The following TBC1D32 variants were observed in gnomAD, a reference collection of about 807,000 sequenced individuals.
TBC1D32 encodes protein broad-minded.
TBC1D32 carries 151 observed loss-of-function variants against 170.3 expected under a neutral mutation model. That is an observed-to-expected ratio of 0.89 (90% CI 0.78 to 1.01). The LOEUF (loss-of-function observed/expected upper bound fraction) is 1.01, where lower values mean the gene tolerates loss of function less well. Among genes scored for constraint, TBC1D32 ranks in the 50% least tolerant of loss-of-function variants. TBC1D32 has a pLI of 0.00. For synonymous variants in TBC1D32, 498 were observed against 488.0 expected, an observed-to-expected ratio of 1.02 and a Z score of -0.27; for missense variants, 1,464 against 1,457.1, an observed-to-expected ratio of 1.00 and a Z score of -0.08.
chr6:121,110,316 T>C (rs931449542), intron 29 of TBC1D32, among the ~76,000 whole-genome samples: 2 of 151,112 alleles, frequency 1.3e-5, no homozygotes, highest in African/African-American at 4.8e-5. Context: ...CATACATTTA[T>C]TGAGTGATTA....
intron 30 of TBC1D32, among the ~76,000 whole-genome samples, chr6:121,093,222 G>A (rs1777017793): frequency 6.6e-6 from 1 of 152,096 alleles, no homozygotes; most frequent in Non-Finnish European, 1.5e-5. Flanking sequence ...GGCATGCAGA[G>A]TACGTTACTA....
chr6:121,306,820 A>G (rs1234095500), intron 5 of TBC1D32, among the ~76,000 whole-genome samples: 1 of 152,186 alleles, frequency 6.6e-6, no homozygotes, highest in African/African-American at 2.4e-5. Flanking sequence ...TAATTTTACA[A>G]TTTTAGAAAC....
chr6:121,161,456 G>A (rs957438411), intron 22 of TBC1D32, among the ~76,000 whole-genome samples: 1 of 152,090 alleles, frequency 6.6e-6, no homozygotes, highest in Non-Finnish European at 1.5e-5. Flanking sequence ...TAGAGTATTT[G>A]GTTTTCCATT....
chr6:121,333,389 T>TC (rs963816125), intron 1 of TBC1D32, among the ~76,000 whole-genome samples: 2 of 152,138 alleles, frequency 1.3e-5, no homozygotes, highest in African/African-American at 4.8e-5. Context: ...TTCCTACTGC[T>TC]CCCACACGCA....
chr6:121,091,210 T>C (rs1776766574), intron 30 of TBC1D32, among the ~76,000 whole-genome samples, 169 bp from the exon 31 acceptor site: 1 of 152,144 alleles, frequency 6.6e-6, no homozygotes, highest in Non-Finnish European at 1.5e-5. Flanking sequence ...TCCTATTTGC[T>C]TCAGTTGTGA....
intron 24 of TBC1D32, among the ~76,000 whole-genome samples, chr6:121,132,524 G>C (rs1237209784): frequency 6.6e-6 from 1 of 151,896 alleles, no homozygotes; most frequent in Non-Finnish European, 1.5e-5. Flanking sequence ...TCAGTATATA[G>C]GTAACTGCTT....
At chr6:121,294,264 G>C (rs1444729311) in intron 11 of TBC1D32, among the ~76,000 whole-genome samples, 1 of 152,016 alleles carries the variant, frequency 6.6e-6, no homozygotes, top group Non-Finnish European at 1.5e-5. Flanking sequence ...TTATTGAAGG[G>C]GAAAGGATGG....
At chr6:121,198,238 TA>T (rs1435236487) in intron 22 of TBC1D32, among the ~76,000 whole-genome samples, 1 of 22,902 alleles carries the variant, frequency 4.4e-5, no homozygotes, top group African/African-American at 5.1e-5. Flanking sequence ...TATATATAAA[TA>T]TATATATTAT....
chr6:121,238,093 G>A (rs1796534987), intron 20 of TBC1D32, among the ~76,000 whole-genome samples: 1 of 152,040 alleles, frequency 6.6e-6, no homozygotes, highest in Admixed American at 6.6e-5. Context: ...TCACATTTCT[G>A]GGCAAAGTAT....
intron 24 of TBC1D32, among the ~76,000 whole-genome samples, chr6:121,153,039 C>T (rs1784403361): frequency 6.6e-6 from 1 of 152,120 alleles, no homozygotes; most frequent in South Asian, 2.1e-4. Flanking sequence ...GTTTTGTTCC[C>T]TGGCTGGAGA....
intron 22 of TBC1D32, among the ~76,000 whole-genome samples, chr6:121,183,419 G>A (rs1057006222): frequency 6.6e-5 from 10 of 152,082 alleles, no homozygotes; most frequent in African/African-American, 2.4e-4. Context: ...GGCACGGCAG[G>A]TGGCTAGAGG....
At position 121,304,345 on chromosome 6, in the gene TBC1D32, T is replaced by G; in HGVS notation, c.935+20A>C. On this transcript the variant is annotated intron_variant, in intron 8 of 31. Transcript: ENST00000398212. ...AACACCGCTAGGTTTTATGCTGGCA[T>G]ACATTGGGAGGGGACTTACTTCTCT... The G allele has an allele frequency of 1.2e-6, 2 of 1,611,742 alleles. No homozygotes were observed. Among genetic ancestry groups the G allele is most frequent in the Non-Finnish European group, 1.7e-6 (2 of 1,178,598 alleles).
At chr6:121,270,093 T>C (rs1207885369) in intron 15 of TBC1D32, among the ~76,000 whole-genome samples, 2 of 151,842 alleles carry the variant, frequency 1.3e-5, no homozygotes, top group Non-Finnish European at 2.9e-5. Flanking sequence ...TACCAGAATC[T>C]CTGGGACACA....
intron 21 of TBC1D32, among the ~76,000 whole-genome samples, chr6:121,205,978 G>A (rs1329778965): frequency 6.6e-6 from 1 of 152,236 alleles, no homozygotes; most frequent in African/African-American, 2.4e-5. Flanking sequence ...TTGGGAGGCC[G>A]AGGTGGGCAG....
intron 24 of TBC1D32, chr6:121,139,808 T>C (rs377321523): frequency 3.9e-5 from 6 of 152,240 alleles, no homozygotes; most frequent in African/African-American, 1.4e-4. Context: ...AGACACAGAA[T>C]ATGGTATTCT....
intron 31 of TBC1D32, among the ~76,000 whole-genome samples, chr6:121,086,968 T>C (rs1326880438): frequency 6.6e-6 from 1 of 152,218 alleles, no homozygotes; most frequent in Non-Finnish European, 1.5e-5. Flanking sequence ...ATCTACAGAC[T>C]TTCTGAACCA....
intron 24 of TBC1D32, among the ~76,000 whole-genome samples, chr6:121,134,064 GA>G (rs1231269250): frequency 6.6e-6 from 1 of 152,028 alleles, no homozygotes; most frequent in Non-Finnish European, 1.5e-5. Flanking sequence ...TATTGAAATT[GA>G]ATTTTTATTG....
chr6:121,221,211 T>C (rs1030064084), intron 21 of TBC1D32, among the ~76,000 whole-genome samples: 1 of 152,172 alleles, frequency 6.6e-6, no homozygotes, highest in African/African-American at 2.4e-5. Flanking sequence ...AGTACATATG[T>C]GACTGCATGG....
chr6:121,092,866 G>C (rs1776982655), intron 30 of TBC1D32, among the ~76,000 whole-genome samples: 1 of 152,084 alleles, frequency 6.6e-6, no homozygotes, highest in South Asian at 2.1e-4. Context: ...GATTTCAACA[G>C]GTGAGTTTTG....
Sources: gnomAD v4.1 joint callset for allele counts (sites outside exome capture counted in the v4.1 genomes callset) on GRCh38, gnomAD v4.1.1 for gene constraint, MANE v1.5 for transcripts, NCBI Gene and HGNC (gene_info 2026-07-23, HGNC 2026-07-21) for gene names.